GABRB2: variants seen among roughly 807,000 people sequenced by gnomAD.
GABRB2 encodes gamma-aminobutyric acid receptor subunit beta-2.
A neutral mutation model predicts 54.7 loss-of-function variants in GABRB2; 16 were observed. The observed-to-expected ratio is 0.29, with a 90% CI of 0.20 to 0.44. The LOEUF is 0.44. GABRB2 is among the 20% of genes least tolerant of loss of function. GABRB2 has a pLI of 1.00. For synonymous variants in GABRB2, 244 were observed against 233.8 expected, an observed-to-expected ratio of 1.04 and a Z score of -0.40; for missense variants, 355 against 644.0, an observed-to-expected ratio of 0.55 and a Z score of 4.86.
intron 4 of GABRB2, among the ~76,000 whole-genome samples, chr5:161,420,715 G>A (rs1241570115): frequency 6.6e-6 from 1 of 152,168 alleles, no homozygotes; most frequent in East Asian, 1.9e-4. Flanking sequence ...AGGGAGTGCT[G>A]CTCTTCTTTT....
intron 4 of GABRB2, among the ~76,000 whole-genome samples, chr5:161,456,398 T>C (rs930088513): frequency 1.3e-5 from 2 of 152,226 alleles, no homozygotes; most frequent in African/African-American, 4.8e-5. Flanking sequence ...CTTATTTTTA[T>C]CAGTCCAGAA....
intron 3 of GABRB2, among the ~76,000 whole-genome samples, chr5:161,479,998 A>G (rs1758711089): frequency 6.6e-6 from 1 of 152,126 alleles, no homozygotes; most frequent in Non-Finnish European, 1.5e-5. Flanking sequence ...CCATACACAC[A>G]CAGACTTCAT....
chr5:161,353,928 A>G (rs1034990307), intron 5 of GABRB2, among the ~76,000 whole-genome samples: 3 of 152,040 alleles, frequency 2.0e-5, no homozygotes, highest in African/African-American at 4.8e-5. Flanking sequence ...GCAAAACTCA[A>G]TTGATTTTCA....
chr5:161,401,025 G>T (rs1756171048), intron 5 of GABRB2, among the ~76,000 whole-genome samples: 2 of 152,106 alleles, frequency 1.3e-5, no homozygotes, highest in Non-Finnish European at 2.9e-5. Context: ...AAAATTCTAG[G>T]TTCCAAAAGG....
intron 5 of GABRB2, among the ~76,000 whole-genome samples, chr5:161,392,881 G>A (rs950958622): frequency 2.0e-5 from 3 of 151,936 alleles, no homozygotes; most frequent in Non-Finnish European, 4.4e-5. Context: ...TTATTAATGG[G>A]TTGACATTTA....
intron 5 of GABRB2, among the ~76,000 whole-genome samples, chr5:161,398,797 C>T (rs1181670099): frequency 6.6e-6 from 1 of 152,160 alleles, no homozygotes; most frequent in Non-Finnish European, 1.5e-5. Context: ...TCAAGCGATT[C>T]TCCTGCCTCA....
At chr5:161,307,227 C>G (rs1016319545) in intron 9 of GABRB2, among the ~76,000 whole-genome samples, 1 of 152,072 alleles carries the variant, frequency 6.6e-6, no homozygotes, top group Non-Finnish European at 1.5e-5. Context: ...TGATCAGGCG[C>G]CCCATTATAG....
intron 3 of GABRB2, among the ~76,000 whole-genome samples, chr5:161,488,692 C>A (rs759265064): frequency 1.3e-5 from 2 of 151,688 alleles, no homozygotes; most frequent in African/African-American, 2.4e-5. Context: ...CTCATATAAT[C>A]CATTCAATAG....
rs1037391376 is a variant in GABRB2 at position 161,291,178 on chromosome 5, G to A, written c.*2903C>T. 9 of 152,454 alleles carry A rather than the reference G, an allele frequency of 5.9e-5. No individual in the cohort carries two copies. The highest frequency in any genetic ancestry group is 4.6e-4 in the Admixed American group (7 of 15,246). 9.4% of individuals were successfully genotyped at this position (152,454 alleles called of 1,614,324 possible). ...TGAGATCAAAGATTTCATGTAGACT[G>A]TGCATTTTAGAGTCAGAATTTGTCC... is the stretch of plus-strand genomic sequence containing the variant. On this transcript the variant is annotated 3_prime_UTR_variant, in exon 10 of 10. Transcript: ENST00000393959.
intron 3 of GABRB2, among the ~76,000 whole-genome samples, chr5:161,541,389 G>C (rs1310153548): frequency 6.6e-6 from 1 of 152,180 alleles, no homozygotes; most frequent in Non-Finnish European, 1.5e-5. Context: ...CCTGTGCCTT[G>C]AAGCTTTGAA....
At chr5:161,418,789 C>T (rs963657351) in intron 4 of GABRB2, among the ~76,000 whole-genome samples, 3 of 151,802 alleles carry the variant, frequency 2.0e-5, no homozygotes, top group African/African-American at 7.3e-5. Flanking sequence ...AACAATGGAA[C>T]AAGAAAAAAA....
At chr5:161,539,192 C>G (rs1000876712) in intron 3 of GABRB2, among the ~76,000 whole-genome samples, 1 of 152,148 alleles carries the variant, frequency 6.6e-6, no homozygotes, top group Non-Finnish European at 1.5e-5. Flanking sequence ...TCCTCAGAGC[C>G]AAAATTTGAA....
chr5:161,305,450 C>T (rs1389770604), intron 9 of GABRB2, among the ~76,000 whole-genome samples: 1 of 152,212 alleles, frequency 6.6e-6, no homozygotes, highest in Non-Finnish European at 1.5e-5. Context: ...CTATTTTTGA[C>T]AAGTTTCAGG....
At chr5:161,546,541 A>G in intron 1 of GABRB2, 26 bp downstream of exon 1, 4 of 1,587,932 alleles carry the variant, frequency 2.5e-6, no homozygotes, top group Non-Finnish European at 3.4e-6. Flanking sequence ...GTGAGAACGG[A>G]AAAGAGAAAC....
At chr5:161,519,850 G>A (rs1322898403) in intron 3 of GABRB2, among the ~76,000 whole-genome samples, 1 of 152,048 alleles carries the variant, frequency 6.6e-6, no homozygotes, top group African/African-American at 2.4e-5. Context: ...TGAAACTTGT[G>A]ATGTAAAATG....
intron 3 of GABRB2, among the ~76,000 whole-genome samples, chr5:161,537,725 C>A (rs1160194626): frequency 6.6e-6 from 1 of 152,124 alleles, no homozygotes; most frequent in Non-Finnish European, 1.5e-5. Context: ...TCTGTTCATG[C>A]AATTCTATTG....
At chr5:161,417,836 C>T (rs966992282) in intron 4 of GABRB2, among the ~76,000 whole-genome samples, 2 of 152,150 alleles carry the variant, frequency 1.3e-5, no homozygotes, top group African/African-American at 4.8e-5. Context: ...TCCACAGAGG[C>T]CTTCTGCTCA....
chr5:161,367,884 C>G (rs1454170949), intron 5 of GABRB2, among the ~76,000 whole-genome samples: 2 of 152,068 alleles, frequency 1.3e-5, no homozygotes, highest in Admixed American at 6.6e-5. Flanking sequence ...AATAGGCATT[C>G]TAATGGGAGA....
At chr5:161,355,724 G>GTGT (rs1754603372) in intron 5 of GABRB2, among the ~76,000 whole-genome samples, 1 of 151,984 alleles carries the variant, frequency 6.6e-6, no homozygotes, top group Non-Finnish European at 1.5e-5. Context: ...AAAAGGATCT[G>GTGT]ACTCAAACCA....
Sources: gnomAD v4.1 joint callset for allele counts (sites outside exome capture counted in the v4.1 genomes callset) on GRCh38, gnomAD v4.1.1 for gene constraint, MANE v1.5 for transcripts, NCBI Gene and HGNC (gene_info 2026-07-23, HGNC 2026-07-21) for gene names.